Variants in USP31 observed in about 807,000 individuals in gnomAD.
The protein encoded by USP31 is ubiquitin specific peptidase 31.
In USP31, 44 loss-of-function variants were observed where a neutral mutation model predicts 119.4. The observed-to-expected ratio is 0.37, with a 90% CI of 0.29 to 0.47. The LOEUF (loss-of-function observed/expected upper bound fraction) is 0.47. Ranked by LOEUF, USP31 falls within the 20% of genes least tolerant of loss-of-function variation. USP31 has a pLI of 0.99. For missense variants in USP31, 1,643 were observed against 1,730.2 expected, an observed-to-expected ratio of 0.95 and a Z score of 0.89; for synonymous variants, 749 against 705.6, an observed-to-expected ratio of 1.06 and a Z score of -0.97.
At chr16:23,125,080 T>C (rs1291085234) in intron 1 of USP31, among the ~76,000 whole-genome samples, 1 of 152,180 alleles carries the variant, frequency 6.6e-6, no homozygotes, top group African/African-American at 2.4e-5. Flanking sequence ...CTTTCTTATG[T>C]CCCAGACCTG....
At chr16:23,134,662 T>C (rs1339704143) in intron 1 of USP31, among the ~76,000 whole-genome samples, 1 of 110,900 alleles carries the variant, frequency 9.0e-6, no homozygotes, top group African/African-American at 3.5e-5. Flanking sequence ...TAGAACACAG[T>C]AGAAACAAAG....
chr16:23,148,605 G>A, intron 1 of USP31, 33 bp downstream of exon 1: 1 of 1,433,956 alleles, frequency 7.0e-7, no homozygotes. Context: ...GGGGCTCGGG[G>A]TGCAGTGGGG....
chr16:23,074,327 G>A (rs1900472431), intron 13 of USP31, among the ~76,000 whole-genome samples: 1 of 152,162 alleles, frequency 6.6e-6, no homozygotes, highest in Non-Finnish European at 1.5e-5. Flanking sequence ...GACCAAAATG[G>A]TGCCAGGGTG....
chr16:23,141,653 A>G (rs1903356141), intron 1 of USP31, among the ~76,000 whole-genome samples: 2 of 152,240 alleles, frequency 1.3e-5, no homozygotes, highest in Non-Finnish European at 2.9e-5. Flanking sequence ...CTGGGATTAC[A>G]GGCACATGCC....
chr16:23,141,454 A>C (rs1217192849), intron 1 of USP31, among the ~76,000 whole-genome samples: 1 of 151,270 alleles, frequency 6.6e-6, no homozygotes, highest in Non-Finnish European at 1.5e-5. Flanking sequence ...ATCTCGGCTC[A>C]CCACACCTTG....
intron 13 of USP31, among the ~76,000 whole-genome samples, chr16:23,075,110 G>T (rs917513786): frequency 6.6e-6 from 1 of 152,176 alleles, no homozygotes; most frequent in African/African-American, 2.4e-5. Flanking sequence ...CAAAATGAGA[G>T]CAGAATAAGG....
chr16:23,084,784 G>T (rs1291701535), intron 11 of USP31, 76 bp downstream of exon 11: 1 of 1,577,126 alleles, frequency 6.3e-7, no homozygotes, highest in Non-Finnish European at 8.6e-7. Flanking sequence ...GGCGTGATTT[G>T]TTTCTCCACT....
rs1901051922 is a variant in USP31, at chr16:23,085,135, C to T, written c.1701-146G>A. 3 of 1,190,480 alleles carry T rather than the reference C, an allele frequency of 2.5e-6. No individual in the cohort carries two copies. In the African/African-American group the frequency reaches 4.6e-5, roughly 18 times the overall value. The allele number at this position is 1,190,480 out of a possible 1,614,324, so 73.7% of individuals were successfully genotyped here. A position where few individuals can be genotyped will look rare whatever the true frequency, so the allele number is the denominator to read the frequency against. On this transcript the variant is annotated intron_variant, in intron 10 of 15. Coordinates refer to ENST00000219689, the MANE Select transcript of USP31 (RefSeq NM_020718.4). Reference sequence around the variant, plus strand: ...TAAGAAAACAAAAGTAGTGACCCAACTTTTCTATATTCCAAAATGTTCTTG... The same window carrying T: ...TAAGAAAACAAAAGTAGTGACCCAATTTTTCTATATTCCAAAATGTTCTTG...
intron 7 of USP31, among the ~76,000 whole-genome samples, chr16:23,089,629 T>C (rs556577635): frequency 7.9e-5 from 12 of 152,370 alleles, no homozygotes; most frequent in African/African-American, 2.9e-4. Flanking sequence ...AAGGCTATTC[T>C]AACAAATGTT....
chr16:23,136,630 G>A (rs1422998390), intron 1 of USP31, among the ~76,000 whole-genome samples: 1 of 150,828 alleles, frequency 6.6e-6, no homozygotes, highest in East Asian at 1.9e-4. Flanking sequence ...CTCCAGCCTA[G>A]GCAACAAAGC....
intron 1 of USP31, among the ~76,000 whole-genome samples, chr16:23,121,542 T>C (rs1290380658): frequency 6.6e-6 from 1 of 152,036 alleles, no homozygotes; most frequent in East Asian, 1.9e-4. Flanking sequence ...AATGGATGAG[T>C]GTGTGAATAT....
In USP31 at chr16:23,080,143, T is replaced by C; in HGVS notation, c.1979A>G (p.Asn660Ser). 6.4e-7 allele frequency: 1 copy of C among 1,568,728 alleles called. No homozygotes were observed. The highest frequency in any genetic ancestry group is 8.6e-7 in the Non-Finnish European group (1 of 1,160,828). Residue 660 changes from asparagine to serine, a missense_variant, in exon 13 of 16, where the codon AAC becomes AGC. This residue lies in a region of USP31 where 279 missense variants were observed against 372.2 expected (regional missense o/e 0.75). Coordinates refer to ENST00000219689, the MANE Select transcript of USP31 (RefSeq NM_020718.4). ...GCCAGTCAAGGGGAATTTGACCATG[T>C]TCTGAAGTTTCATGCGCCTGTCTCC... is the stretch of plus-strand genomic sequence containing the variant. ...QEGDRRMKLQ[N>S]MVKFPLTGLD... is the part of the protein sequence containing the mutation.
At chr16:23,121,522 GTGGATGCTAAA>G (rs1902669099) in intron 1 of USP31, among the ~76,000 whole-genome samples, 3 of 152,174 alleles carry the variant, frequency 2.0e-5, no homozygotes, top group African/African-American at 7.2e-5. Context: ...CCTGTCTTAT[GTGGATGCTAAA>G]TGGATGAGTG....
Position 23,105,487 on chromosome 16 carries a change from C to G in USP31, c.1043G>C (p.Arg348Thr), listed in dbSNP as rs199941759. The G allele has an allele frequency of 5.6e-6, 9 of 1,614,018 alleles. No homozygotes were observed. Among genetic ancestry groups the G allele is most frequent in the Non-Finnish European group, 7.6e-6 (9 of 1,180,026 alleles). ...VAVPLSGTVA[R>T]LREAVSMETK... ...TTCCATAGACACTGCTTCCCGAAGTCTGGCGACAGTCCCAGACAGAGGTAC... is the reference window on the plus strand; with the variant it reads ...TTCCATAGACACTGCTTCCCGAAGTGTGGCGACAGTCCCAGACAGAGGTAC... The change falls in exon 5 of 16, where the codon AGA becomes ACA. Residue 348 changes from arginine (R) to threonine (T), a missense_variant. Physicochemically the swap from Arg to Thr is moderately conservative, Grantham distance 71. Around this residue, in one of 5 missense-constraint regions of USP31, gnomAD observed 144 missense variants for 218.0 expected, o/e 0.66. Coordinates refer to ENST00000219689, the MANE Select transcript of USP31 (RefSeq NM_020718.4).
intron 1 of USP31, among the ~76,000 whole-genome samples, chr16:23,140,353 G>A (rs1318265629): frequency 1.3e-5 from 2 of 152,128 alleles, no homozygotes; most frequent in African/African-American, 4.8e-5. Flanking sequence ...GAGTAGGGGG[G>A]AGTACAACCA....
intron 1 of USP31, among the ~76,000 whole-genome samples, chr16:23,142,180 C>T (rs1338641028): frequency 6.6e-6 from 1 of 152,122 alleles, no homozygotes; most frequent in African/African-American, 2.4e-5. Context: ...TCAATTAGTC[C>T]TCATGGAAAA....
Position 23,148,659 on chromosome 16 carries a change from C to T in USP31, c.612G>A (p.Pro204=), listed in dbSNP as rs976681497. The change falls in exon 1 of 16, where the codon CCG becomes CCA. Residue 204 remains proline (P), a synonymous_variant. Coordinates refer to ENST00000219689, the MANE Select transcript of USP31 (RefSeq NM_020718.4). ...VRALWTLEYT[P]QHSRDFKTIV... ...TCACCTTGAAGTCGCGGCTGTGCTG[C>T]GGGGTGTACTCCAGGGTCCAGAGGG... is the stretch of plus-strand genomic sequence containing the variant. 3.3e-6 allele frequency: 5 copies of T among 1,495,646 alleles called. No homozygotes were observed. Among genetic ancestry groups the T allele is most frequent in the African/African-American group, 1.5e-5 (1 of 68,144 alleles). 92.6% of individuals were successfully genotyped at this position (1,495,646 alleles called of 1,614,324 possible).
chr16:23,122,351 A>G (rs1902699408), intron 1 of USP31, among the ~76,000 whole-genome samples: 1 of 152,212 alleles, frequency 6.6e-6, no homozygotes, highest in African/African-American at 2.4e-5. Context: ...TGGAACCCTC[A>G]CACAGTGCTC....
intron 1 of USP31, among the ~76,000 whole-genome samples, chr16:23,128,769 A>G (rs1441408473): frequency 1.3e-5 from 2 of 152,248 alleles, no homozygotes; most frequent in East Asian, 3.8e-4. Flanking sequence ...ATGGAAGTTT[A>G]TAACACCACG....
Sources: allele counts gnomAD v4.1 joint callset (sites outside exome capture counted in the v4.1 genomes callset), GRCh38; gene constraint gnomAD v4.1.1; regional missense constraint gnomAD v4.1.1; transcripts MANE v1.5; gene names NCBI Gene and HGNC (gene_info 2026-07-23, HGNC 2026-07-21).